DOCK2: variants seen among roughly 807,000 people sequenced by gnomAD.
DOCK2 encodes the protein dedicator of cytokinesis 2, also known as dedicator of cytokinesis protein 2.
DOCK2 carries 87 observed loss-of-function variants against 248.9 expected under a neutral mutation model. The ratio of observed to expected loss-of-function variants is 0.35; its 90% CI spans 0.29 to 0.42. The LOEUF is 0.42. DOCK2 is among the 10% of genes least tolerant of loss of function. The probability of loss-of-function intolerance (pLI) is 1.00; values close to 1 mark genes in which losing one functional copy is unlikely to be tolerated. For missense variants in DOCK2, 1,747 were observed against 2,300.2 expected, an observed-to-expected ratio of 0.76 and a Z score of 4.92; for synonymous variants, 805 against 821.6, an observed-to-expected ratio of 0.98 and a Z score of 0.35.
At chr5:169,846,982 T>G (rs534976813) in intron 27 of DOCK2, among the ~76,000 whole-genome samples, 64 of 152,216 alleles carry the variant, frequency 4.2e-4, no homozygotes, top group Non-Finnish European at 8.1e-4. Context: ...TTACTTCACT[T>G]AGAATAATGG....
At chr5:170,082,132 T>A in intron 51 of DOCK2, 148 bp downstream of exon 51, 1 of 1,122,750 alleles carries the variant, frequency 8.9e-7, no homozygotes, top group South Asian at 1.6e-5. Flanking sequence ...TCTGGGACAC[T>A]GTGCAGCAAT....
intron 44 of DOCK2, among the ~76,000 whole-genome samples, chr5:170,066,014 C>T (rs10042150): frequency 0.012 from 1,749 of 145,034 alleles, 28 homozygotes; most frequent in African/African-American, 0.043. Flanking sequence ...TGTAGTGGCG[C>T]GAACTCAGCT....
chr5:169,730,427 G>A (rs1343321592), intron 22 of DOCK2, among the ~76,000 whole-genome samples: 3 of 152,172 alleles, frequency 2.0e-5, no homozygotes, highest in African/African-American at 7.2e-5. Context: ...GGGAGAACAG[G>A]AGAAAGATGA....
rs1050850592 is a variant in DOCK2 at position 169,739,140 on chromosome 5, T to C, written c.2268-8256T>C. ...CTCAGTGGAAGAGCCTGGGGTTAAT[T>C]ATCCTTTTCAGGAAGCCATGGAATC... On this transcript the variant is annotated intron_variant, in intron 22 of 51. Coordinates refer to ENST00000520908, the MANE Select transcript of DOCK2 (RefSeq NM_004946.3). 5.9e-5 allele frequency among the ~76,000 whole-genome samples: 9 copies of C among 152,364 alleles called. 1 individual carries two copies. The highest frequency in any genetic ancestry group is 2.2e-4 in the African/African-American group (9 of 41,580).
chr5:169,932,779 C>A (rs1451624998), intron 27 of DOCK2, among the ~76,000 whole-genome samples: 1 of 152,154 alleles, frequency 6.6e-6, no homozygotes. Context: ...TACAAACACT[C>A]ACCTATGCAT....
chr5:169,945,078 C>T (rs1338754539), intron 27 of DOCK2, among the ~76,000 whole-genome samples: 1 of 152,200 alleles, frequency 6.6e-6, no homozygotes, highest in Non-Finnish European at 1.5e-5. Flanking sequence ...CACAGGGACC[C>T]TCAATTCTCA....
chr5:169,831,271 C>A (rs1225086307), intron 26 of DOCK2, among the ~76,000 whole-genome samples: 1 of 151,700 alleles, frequency 6.6e-6, no homozygotes, highest in South Asian at 2.1e-4. Context: ...TTTTTCTGAA[C>A]ATATTTAGGA....
chr5:169,978,177 G>A (rs577403795), intron 27 of DOCK2, among the ~76,000 whole-genome samples: 4 of 152,172 alleles, frequency 2.6e-5, no homozygotes, highest in Non-Finnish European at 5.9e-5. Context: ...TGGCATTTAG[G>A]TAGCAAGCTT....
intron 46 of DOCK2, among the ~76,000 whole-genome samples, chr5:170,070,978 C>T (rs1429690215): frequency 6.6e-6 from 1 of 152,210 alleles, no homozygotes; most frequent in African/African-American, 2.4e-5. Flanking sequence ...TAGGCGCCTT[C>T]AGACACCGCC....
intron 25 of DOCK2, among the ~76,000 whole-genome samples, chr5:169,785,220 G>C (rs567931685): frequency 6.6e-6 from 1 of 152,104 alleles, no homozygotes; most frequent in African/African-American, 2.4e-5. Context: ...TATATTTTAC[G>C]TTATAAACAG....
intron 27 of DOCK2, among the ~76,000 whole-genome samples, chr5:169,890,626 A>G (rs2113536797): frequency 1.3e-5 from 2 of 152,342 alleles, no homozygotes; most frequent in Admixed American, 1.3e-4. Context: ...GGTCAAAGAA[A>G]CAAAGGGAAT....
chr5:169,715,021 A>G (rs1407444269), intron 19 of DOCK2, among the ~76,000 whole-genome samples: 1 of 152,146 alleles, frequency 6.6e-6, no homozygotes, highest in Admixed American at 6.6e-5. Context: ...CTACCCACAG[A>G]TCATTGTTAG....
intron 26 of DOCK2, among the ~76,000 whole-genome samples, chr5:169,827,929 G>T (rs982758668): frequency 1.3e-5 from 2 of 152,132 alleles, no homozygotes; most frequent in Non-Finnish European, 2.9e-5. Context: ...TCTGTTGGCG[G>T]GGGTGGGTGT....
chr5:169,927,094 T>C (rs1456334409), intron 27 of DOCK2, among the ~76,000 whole-genome samples: 1 of 151,764 alleles, frequency 6.6e-6, no homozygotes, highest in Non-Finnish European at 1.5e-5. Flanking sequence ...ACATGAAGAG[T>C]GGGAAGAGCA....
intron 8 of DOCK2, among the ~76,000 whole-genome samples, chr5:169,685,040 T>G (rs77624124): frequency 0.011 from 1,666 of 152,358 alleles, 18 homozygotes; most frequent in African/African-American, 0.029. Flanking sequence ...GAGATCTGTC[T>G]GGGTTCACAT....
chr5:169,652,459 TC>T (rs1158326996), intron 1 of DOCK2, among the ~76,000 whole-genome samples: 1 of 152,232 alleles, frequency 6.6e-6, no homozygotes, highest in Non-Finnish European at 1.5e-5. Flanking sequence ...AGACTTCATC[TC>T]TCTGAATGCA....
At chr5:169,890,495 A>T (rs1773219996) in intron 27 of DOCK2, among the ~76,000 whole-genome samples, 1 of 152,180 alleles carries the variant, frequency 6.6e-6, no homozygotes, top group South Asian at 2.1e-4. Context: ...TCCAATTTGA[A>T]ATTTGGAAAG....
At chr5:169,846,720 G>A (rs903002693) in intron 27 of DOCK2, among the ~76,000 whole-genome samples, 13 of 151,654 alleles carry the variant, frequency 8.6e-5, no homozygotes, top group African/African-American at 2.2e-4. Flanking sequence ...ATTTCAATAC[G>A]TTTGGAGTAC....
intron 27 of DOCK2, among the ~76,000 whole-genome samples, chr5:169,953,346 A>AG (rs1776742587): frequency 1.3e-5 from 2 of 151,640 alleles, no homozygotes; most frequent in Non-Finnish European, 2.9e-5. Flanking sequence ...AAAAAAAAAA[A>AG]AAGAGAGAGA....
Sources: gnomAD v4.1 joint callset for allele counts (sites outside exome capture counted in the v4.1 genomes callset) on GRCh38, gnomAD v4.1.1 for gene constraint, MANE v1.5 for transcripts, NCBI Gene and HGNC (gene_info 2026-07-23, HGNC 2026-07-21) for gene names.